LINGO1: variants seen among roughly 807,000 people sequenced by gnomAD.
The protein encoded by LINGO1 is leucine-rich repeat and immunoglobulin-like domain-containing nogo receptor-interacting protein 1.
Under a neutral mutation model 37.3 loss-of-function variants are expected in LINGO1, and 11 were observed. That is an observed-to-expected ratio of 0.29 (90% CI 0.19 to 0.49). The LOEUF (loss-of-function observed/expected upper bound fraction) is 0.49. LINGO1 is among the 20% of genes least tolerant of loss of function. LINGO1 has a pLI of 0.99. For missense variants in LINGO1, 585 were observed against 878.2 expected (o/e 0.67, Z 4.22); for synonymous variants, 387 against 403.0 (o/e 0.96, Z 0.48).
intron 2 of LINGO1, among the ~76,000 whole-genome samples, chr15:77,725,653 A>G (rs925479263): frequency 6.6e-6 from 1 of 152,244 alleles, no homozygotes; most frequent in African/African-American, 2.4e-5. Context: ...CAGATGGAGA[A>G]ACAGAGGCAC....
intron 1 of LINGO1, among the ~76,000 whole-genome samples, chr15:77,774,551 C>T (rs1197564124): frequency 6.6e-6 from 1 of 152,156 alleles, no homozygotes; most frequent in Non-Finnish European, 1.5e-5. Context: ...ACTTAGTGCA[C>T]ACACACAATC....
At chr15:77,804,273 G>A (rs2076941451) in intron 1 of LINGO1, among the ~76,000 whole-genome samples, 1 of 152,178 alleles carries the variant, frequency 6.6e-6, no homozygotes. Context: ...CAGGAACAGG[G>A]CAAGGCTCAC....
intron 1 of LINGO1, among the ~76,000 whole-genome samples, chr15:77,800,715 T>C (rs1335737228): frequency 6.6e-6 from 1 of 152,162 alleles, no homozygotes; most frequent in African/African-American, 2.4e-5. Flanking sequence ...ATCCAACTAC[T>C]GTACATAAAC....
chr15:77,722,181 C>CT (rs1567547274), intron 2 of LINGO1, among the ~76,000 whole-genome samples: 5 of 151,744 alleles, frequency 3.3e-5, no homozygotes, highest in African/African-American at 1.2e-4. Flanking sequence ...GTGTTGTCAG[C>CT]TTTTAAATGG....
chr15:77,671,670 C>G (rs1350822389), intron 3 of LINGO1, among the ~76,000 whole-genome samples: 1 of 152,236 alleles, frequency 6.6e-6, no homozygotes, highest in East Asian at 1.9e-4. Flanking sequence ...GCGGTCCCCG[C>G]CTGGTACCCA....
chr15:77,811,249 T>G (rs1188340773), intron 1 of LINGO1, among the ~76,000 whole-genome samples: 3 of 152,188 alleles, frequency 2.0e-5, no homozygotes, highest in Admixed American at 2.0e-4. Flanking sequence ...TCTCCTAAAT[T>G]AAACAATAAA....
intron 1 of LINGO1, among the ~76,000 whole-genome samples, chr15:77,694,997 C>A (rs1229564211): frequency 6.6e-6 from 1 of 150,486 alleles, no homozygotes; most frequent in Non-Finnish European, 1.5e-5. Context: ...TCGGGATAAT[C>A]TTTTTTTTTT....
At chr15:77,719,887 T>TAC (rs34870352) in intron 2 of LINGO1, among the ~76,000 whole-genome samples, 74,358 of 147,868 alleles carry the variant, frequency 0.5, 20,948 homozygotes, top group Admixed American at 0.66. Context: ...TACACACACA[T>TAC]ACACACACAC....
chr15:77,621,965 C>T (rs2073936575), intron 1 of LINGO1, among the ~76,000 whole-genome samples: 1 of 152,178 alleles, frequency 6.6e-6, no homozygotes, highest in Admixed American at 6.5e-5. Flanking sequence ...AGGCTGGGGC[C>T]CAGGGTCCTC....
chr15:77,657,540 C>A (rs948995137), intron 3 of LINGO1, among the ~76,000 whole-genome samples: 1 of 152,210 alleles, frequency 6.6e-6, no homozygotes. Flanking sequence ...AATCAAGGAA[C>A]CCCAAAGGGG....
At chr15:77,751,899 T>C (rs2076375679) in intron 1 of LINGO1, among the ~76,000 whole-genome samples, 1 of 152,146 alleles carries the variant, frequency 6.6e-6, no homozygotes, top group Non-Finnish European at 1.5e-5. Context: ...CCACCCACAT[T>C]TCCCAAGTCC....
At chr15:77,807,486 T>G (rs1250619371) in intron 1 of LINGO1, among the ~76,000 whole-genome samples, 3 of 152,144 alleles carry the variant, frequency 2.0e-5, no homozygotes, top group African/African-American at 4.8e-5. Context: ...TCAGGGAACC[T>G]CTAGGGAATG....
chr15:77,639,955 C>T (rs935597153), intron 3 of LINGO1, among the ~76,000 whole-genome samples: 3 of 152,194 alleles, frequency 2.0e-5, no homozygotes, highest in African/African-American at 7.2e-5. Flanking sequence ...GTGTTATCCA[C>T]TCACTCAGCA....
chr15:77,819,548 G>C (rs977210824), intron 1 of LINGO1: 4 of 145,910 alleles, frequency 2.7e-5, no homozygotes, highest in Admixed American at 6.8e-5. Context: ...TCTACCGCGC[G>C]CCCCCACTGC....
chr15:77,706,058 G>A (rs1207205787), intron 2 of LINGO1, among the ~76,000 whole-genome samples: 3 of 152,146 alleles, frequency 2.0e-5, no homozygotes, highest in Non-Finnish European at 4.4e-5. Context: ...TCTGTAAGAT[G>A]GGGATAATAA....
At chr15:77,739,976 T>A (rs1329843637) in intron 1 of LINGO1, among the ~76,000 whole-genome samples, 1 of 152,254 alleles carries the variant, frequency 6.6e-6, no homozygotes, top group East Asian at 1.9e-4. Flanking sequence ...GCACCTATCC[T>A]GTGCCAGGCA....
chr15:77,678,486 A>G (rs1025396990), intron 2 of LINGO1, among the ~76,000 whole-genome samples: 6 of 152,292 alleles, frequency 3.9e-5, no homozygotes, highest in African/African-American at 1.4e-4. Flanking sequence ...ACATTTATTA[A>G]TATCTGTGTT....
At chr15:77,776,542 G>T (rs562185728) in intron 1 of LINGO1, among the ~76,000 whole-genome samples, 10 of 36,936 alleles carry the variant, frequency 2.7e-4, no homozygotes, top group Non-Finnish European at 4.7e-4. Flanking sequence ...GGGAGGGAGG[G>T]AGGGAGGGAG....
upstream of LINGO1, among the ~76,000 whole-genome samples, chr15:77,699,559 C>A (rs550205437): frequency 3.5e-5 from 3 of 86,720 alleles, no homozygotes; most frequent in East Asian, 9.8e-4. Flanking sequence ...ACCATCCCTG[C>A]ACACAGTAAA....
Sources: allele counts gnomAD v4.1 joint callset (sites outside exome capture counted in the v4.1 genomes callset), GRCh38; gene constraint gnomAD v4.1.1; transcripts MANE v1.5; gene names NCBI Gene and HGNC (gene_info 2026-07-23, HGNC 2026-07-21).